Variants in KIF16B observed in about 807,000 individuals in gnomAD.
The protein encoded by KIF16B is kinesin-like protein KIF16B.
Under a neutral mutation model 156.3 loss-of-function variants are expected in KIF16B, and 98 were observed. The ratio of observed to expected loss-of-function variants is 0.63; its 90% CI spans 0.53 to 0.74. The LOEUF (loss-of-function observed/expected upper bound fraction) is 0.74. Among genes scored for constraint, KIF16B ranks in the 30% least tolerant of loss-of-function variants. KIF16B has a pLI of 0.00. For synonymous variants in KIF16B, 564 were observed against 583.7 expected, an observed-to-expected ratio of 0.97 and a Z score of 0.49; for missense variants, 1,421 against 1,606.5, an observed-to-expected ratio of 0.88 and a Z score of 1.97.
At chr20:16,457,337 T>C (rs1365573413) in intron 12 of KIF16B, among the ~76,000 whole-genome samples, 2 of 152,154 alleles carry the variant, frequency 1.3e-5, no homozygotes, top group East Asian at 1.9e-4. Context: ...ACAAAAAACA[T>C]GTAAAGTTGC....
intron 22 of KIF16B, among the ~76,000 whole-genome samples, chr20:16,360,269 C>T (rs911750392): frequency 3.3e-5 from 5 of 151,958 alleles, no homozygotes; most frequent in Non-Finnish European, 5.9e-5. Flanking sequence ...ACATAAATGT[C>T]TCTTAAATTT....
chr20:16,360,589 A>G (rs2064532741), intron 22 of KIF16B, among the ~76,000 whole-genome samples: 1 of 152,258 alleles, frequency 6.6e-6, no homozygotes, highest in African/African-American at 2.4e-5. Flanking sequence ...ATTTAGAAAT[A>G]AAAAGTCAAG....
rs866908945 is a variant in KIF16B at position 16,440,524 on chromosome 20, C to A, written c.1303-10542G>T. Reference sequence around the variant, plus strand: ...TTACAATACCTATGGTTAAAACACACAAGCGCGCGCACACACACACACACA... The same window carrying A: ...TTACAATACCTATGGTTAAAACACAAAAGCGCGCGCACACACACACACACA... On this transcript the variant is annotated intron_variant, in intron 12 of 25. Coordinates refer to ENST00000354981, the MANE Select transcript of KIF16B (RefSeq NM_024704.5). 4.0e-4 allele frequency among the ~76,000 whole-genome samples: 54 copies of A among 133,916 alleles called. No individual in the cohort carries two copies. The Middle Eastern group carries it at 0.012, about 29-fold the overall frequency. The allele number at this position is 133,916 out of a possible 152,430, so 87.9% of individuals were successfully genotyped here. A position where few individuals can be genotyped will look rare whatever the true frequency, so the allele number is the denominator to read the frequency against.
chr20:16,404,913 C>T lies in KIF16B; in HGVS notation c.1696-12G>A. 6.2e-7 allele frequency: 1 copy of T among 1,605,522 alleles called. No individual in the cohort carries two copies. On this transcript the variant is annotated splice_polypyrimidine_tract_variant and intron_variant, in intron 16 of 25. Coordinates refer to ENST00000354981, the MANE Select transcript of KIF16B (RefSeq NM_024704.5). ...GACAGAAGGCCACTCTAAGGGCAGACACAGGGCAGAGTGGTTACCTTAGCA... is the reference window on the plus strand; with the variant it reads ...GACAGAAGGCCACTCTAAGGGCAGATACAGGGCAGAGTGGTTACCTTAGCA...
At chr20:16,326,417 AT>A (rs2063850251) in intron 24 of KIF16B, among the ~76,000 whole-genome samples, 1 of 151,970 alleles carries the variant, frequency 6.6e-6, no homozygotes, top group Non-Finnish European at 1.5e-5. Flanking sequence ...CAAAGGAATA[AT>A]ATCCAGAATC....
chr20:16,424,428 C>A (rs2066303935), intron 15 of KIF16B, among the ~76,000 whole-genome samples: 1 of 152,104 alleles, frequency 6.6e-6, no homozygotes, highest in Non-Finnish European at 1.5e-5. Context: ...CTGCAATTGA[C>A]TTCTGCTTAC....
chr20:16,384,290 TGTAA>T (rs2065175508), intron 17 of KIF16B, among the ~76,000 whole-genome samples: 1 of 152,200 alleles, frequency 6.6e-6, no homozygotes, highest in Non-Finnish European at 1.5e-5. Flanking sequence ...GCTCCCGGTC[TGTAA>T]GTGACAGTCA....
intron 1 of KIF16B, among the ~76,000 whole-genome samples, chr20:16,558,628 T>G (rs528625942): frequency 6.6e-6 from 1 of 152,274 alleles, no homozygotes; most frequent in Admixed American, 6.5e-5. Flanking sequence ...GTAGGGTGGG[T>G]GCGATGGCTC....
rs1025111847 is a variant in KIF16B at position 16,289,040 on chromosome 20, C to T, written c.3796-15629G>A. Among the ~76,000 whole-genome samples the T allele has an allele frequency of 9.1e-4, 138 of 152,050 alleles. 3 individuals are homozygous for T. The highest frequency in any genetic ancestry group is 3.2e-3 in the Middle Eastern group (1 of 314). On this transcript the variant is annotated intron_variant, in intron 25 of 25. Transcript: ENST00000354981. ...CTCTAAGTCGAAAGTGCATTTAATA[C>T]ACCTAACCTACCAAACATCATGGCT...
At chr20:16,541,603 A>G (rs1257497419) in intron 1 of KIF16B, among the ~76,000 whole-genome samples, 1 of 152,108 alleles carries the variant, frequency 6.6e-6, no homozygotes, top group Non-Finnish European at 1.5e-5. Context: ...ACAGTAATAA[A>G]CCTAAAAAAT....
At chr20:16,528,305 A>T in intron 2 of KIF16B, 66 bp downstream of exon 2, 2 of 1,183,430 alleles carry the variant, frequency 1.7e-6, no homozygotes, top group Non-Finnish European at 2.5e-6. Flanking sequence ...TTTACTCATT[A>T]GTCATCCCCA....
chr20:16,295,918 G>A (rs1429504869), intron 25 of KIF16B, among the ~76,000 whole-genome samples: 2 of 152,192 alleles, frequency 1.3e-5, no homozygotes, highest in African/African-American at 4.8e-5. Context: ...ATCACTGGAA[G>A]GTAGTCAATG....
chr20:16,328,261 A>G lies in KIF16B; in HGVS notation c.3711+7665T>C, dbSNP rs116472239. On this transcript the variant is annotated intron_variant, in intron 24 of 25. Transcript: ENST00000354981. ...CATTTTTATGGAAGGCTCTCAAAAT[A>G]TTTTTCTCTCAGCTTTGTGGGGAGA... is the stretch of plus-strand genomic sequence containing the variant. Among the ~76,000 whole-genome samples the G allele has an allele frequency of 2.9e-3, 437 of 152,104 alleles. 3 individuals are homozygous for G. Among genetic ancestry groups the G allele is most frequent in the African/African-American group, 9.9e-3 (410 of 41,474 alleles).
chr20:16,381,748 CT>C lies in KIF16B; in HGVS notation c.1785-2del. 1.9e-6 allele frequency: 3 copies of C among 1,608,968 alleles called. No homozygotes were observed. The highest frequency in any genetic ancestry group is 2.5e-6 in the Non-Finnish European group (3 of 1,176,618). On this transcript the variant is annotated splice_acceptor_variant, in intron 17 of 25. Coordinates refer to ENST00000354981, the MANE Select transcript of KIF16B (RefSeq NM_024704.5). LOFTEE classifies it high-confidence loss of function. Reference sequence around the variant, plus strand: ...ACGCTGTTGCCTCTCAAATTCAAGTCTAATAAAATCAAATGAAAATGAGTCA... The same window carrying C: ...ACGCTGTTGCCTCTCAAATTCAAGTCAATAAAATCAAATGAAAATGAGTCA...
chr20:16,497,996 T>G (rs1412400531), intron 10 of KIF16B, among the ~76,000 whole-genome samples: 1 of 152,212 alleles, frequency 6.6e-6, no homozygotes, highest in Non-Finnish European at 1.5e-5. Context: ...TCGCCTCTTT[T>G]AATATGTACA....
chr20:16,421,959 C>A (rs982043281), intron 15 of KIF16B, among the ~76,000 whole-genome samples: 8 of 151,940 alleles, frequency 5.3e-5, no homozygotes, highest in Admixed American at 5.3e-4. Flanking sequence ...CCAATTAGTA[C>A]CAGTACTGTC....
intron 3 of KIF16B, among the ~76,000 whole-genome samples, chr20:16,516,497 A>G (rs1286850776): frequency 6.6e-6 from 1 of 152,188 alleles, no homozygotes; most frequent in African/African-American, 2.4e-5. Flanking sequence ...CCAGCACACT[A>G]AGGGCACATA....
intron 12 of KIF16B, among the ~76,000 whole-genome samples, chr20:16,435,167 G>C (rs6105600): frequency 0.038 from 5,726 of 152,166 alleles, 373 homozygotes; most frequent in African/African-American, 0.13. Flanking sequence ...TAATCACAGT[G>C]CATATACATT....
At chr20:16,299,157 G>T (rs1036665730) in intron 25 of KIF16B, among the ~76,000 whole-genome samples, 1 of 151,992 alleles carries the variant, frequency 6.6e-6, no homozygotes, top group East Asian at 1.9e-4. Context: ...AAGAGATATA[G>T]CTTAAAATAT....
Sources: allele counts gnomAD v4.1 joint callset (sites outside exome capture counted in the v4.1 genomes callset), GRCh38; gene constraint gnomAD v4.1.1; transcripts MANE v1.5; gene names NCBI Gene and HGNC (gene_info 2026-07-23, HGNC 2026-07-21).